Variants in METTL15 observed in about 807,000 individuals in gnomAD.
METTL15 encodes methyltransferase 15, mitochondrial 12S rRNA N4-cytidine.
A neutral mutation model predicts 38.3 loss-of-function variants in METTL15; 34 were observed. The observed-to-expected ratio is 0.89, with a 90% CI of 0.68 to 1.18. The LOEUF (loss-of-function observed/expected upper bound fraction) is 1.18. METTL15 is among the 50% of genes most tolerant of loss of function. The pLI is 0.00. For synonymous variants in METTL15, 162 were observed against 170.9 expected, an observed-to-expected ratio of 0.95 and a Z score of 0.41; for missense variants, 438 against 498.4, an observed-to-expected ratio of 0.88 and a Z score of 1.15.
At chr11:28,340,837 T>G (rs1849945406) in intron 3 of METTL15, among the ~76,000 whole-genome samples, 1 of 152,100 alleles carries the variant, frequency 6.6e-6, no homozygotes, top group Non-Finnish European at 1.5e-5. Flanking sequence ...ACCCAAAGGA[T>G]TATAAATCAT....
rs1430106001 is a variant in METTL15, at chr11:28,332,439, T to A, written c.*1598T>A. The A allele has an allele frequency of 6.6e-6, 1 of 152,056 alleles. No individual in the cohort carries two copies. Among genetic ancestry groups the A allele is most frequent in the Non-Finnish European group, 1.5e-5 (1 of 68,008 alleles). The allele number at this position is 152,056 out of a possible 1,614,324, so 9.4% of individuals were successfully genotyped here. A position where few individuals can be genotyped will look rare whatever the true frequency, so the allele number is the denominator to read the frequency against. ...ATTCAACAATCTTTCACCTATTTCATAAGTCATTTTTTCACCCTGTATAGT... is the reference window on the plus strand; with the variant it reads ...ATTCAACAATCTTTCACCTATTTCAAAAGTCATTTTTTCACCCTGTATAGT... On this transcript the variant is annotated 3_prime_UTR_variant, in exon 7 of 7. Coordinates refer to ENST00000407364, the MANE Select transcript of METTL15 (RefSeq NM_001113528.2).
intron 4 of METTL15, among the ~76,000 whole-genome samples, chr11:28,243,207 C>T (rs1854373158): frequency 6.6e-6 from 1 of 151,914 alleles, no homozygotes; most frequent in South Asian, 2.1e-4. Context: ...AACTTGTTGC[C>T]GTCATTGATG....
intron 5 of METTL15, among the ~76,000 whole-genome samples, chr11:28,395,677 G>T (rs1479810000): frequency 6.6e-6 from 1 of 152,100 alleles, no homozygotes; most frequent in Non-Finnish European, 1.5e-5. Context: ...ACAAAGAGGA[G>T]CTGGTACCAT....
intron 6 of METTL15, among the ~76,000 whole-genome samples, chr11:28,519,885 G>A (rs1210282554): frequency 1.3e-5 from 2 of 152,162 alleles, no homozygotes; most frequent in Non-Finnish European, 2.9e-5. Context: ...TTTAGTGGTA[G>A]GGGACAAACA....
chr11:28,164,616 C>T (rs1028616905), intron 3 of METTL15, among the ~76,000 whole-genome samples: 5 of 151,876 alleles, frequency 3.3e-5, no homozygotes, highest in African/African-American at 1.2e-4. Flanking sequence ...ATGTACAATA[C>T]GGAATGATTA....
intron 3 of METTL15, among the ~76,000 whole-genome samples, chr11:28,340,689 G>GTGGAGAAAT (rs1849943686): frequency 6.6e-6 from 1 of 152,194 alleles, no homozygotes; most frequent in African/African-American, 2.4e-5. Context: ...TGGAGAGGAT[G>GTGGAGAAAT]TGGAGAAATA....
chr11:28,338,075 CTT>C (rs112039826), downstream of METTL15, among the ~76,000 whole-genome samples: 4 of 142,456 alleles, frequency 2.8e-5, no homozygotes, highest in Admixed American at 7.0e-5. Context: ...ATCTTTGCTT[CTT>C]TTTTTTTTTT....
At chr11:28,411,185 C>G (rs1261185417) in intron 5 of METTL15, among the ~76,000 whole-genome samples, 1 of 151,860 alleles carries the variant, frequency 6.6e-6, no homozygotes. Flanking sequence ...AAGCAATATA[C>G]AGATTTAACA....
At chr11:28,298,615 A>G (rs1856817132) in intron 6 of METTL15, among the ~76,000 whole-genome samples, 1 of 152,142 alleles carries the variant, frequency 6.6e-6, no homozygotes, top group African/African-American at 2.4e-5. Flanking sequence ...GGTGTACAAT[A>G]GGAACAATTT....
chr11:28,268,690 C>T (rs566497921), intron 4 of METTL15, among the ~76,000 whole-genome samples: 1 of 152,128 alleles, frequency 6.6e-6, no homozygotes, highest in South Asian at 2.1e-4. Flanking sequence ...GAGAAATATC[C>T]TTTCTGAAAA....
At chr11:28,350,134 G>A (rs1231195157) in intron 3 of METTL15, among the ~76,000 whole-genome samples, 1 of 151,938 alleles carries the variant, frequency 6.6e-6, no homozygotes, top group African/African-American at 2.4e-5. Flanking sequence ...TATGCTATGT[G>A]CTCTAGGGCC....
At chr11:28,162,033 C>T (rs1057274608) in intron 3 of METTL15, among the ~76,000 whole-genome samples, 2 of 152,060 alleles carry the variant, frequency 1.3e-5, no homozygotes, top group Admixed American at 1.3e-4. Context: ...GGCACTGTTC[C>T]TCTTTTTGAC....
intron 5 of METTL15, among the ~76,000 whole-genome samples, chr11:28,380,929 A>G (rs139769079): frequency 6.6e-6 from 1 of 152,162 alleles, no homozygotes; most frequent in African/African-American, 2.4e-5. Flanking sequence ...TGTCATACAA[A>G]TTGGATTCCA....
chr11:28,517,338 T>C lies in METTL15; in HGVS notation c.*425-9140T>C, dbSNP rs972541095. The C allele has an allele frequency of 8.5e-5, 13 of 152,152 alleles. 1 individual carries two copies. The highest frequency in any genetic ancestry group is 2.9e-4 in the African/African-American group (12 of 41,426). 9.4% of individuals were successfully genotyped at this position (152,152 alleles called of 1,614,324 possible). ...AAGGTAGGTTTTTTAATTTATTTAT[T>C]TTTTAATCCATCTAGCTTTGGATGG... On this transcript the variant is annotated intron_variant and NMD_transcript_variant, in intron 6 of 7. Coordinates refer to the METTL15 transcript ENST00000532947.
At chr11:28,513,930 C>T (rs1367839889) in intron 6 of METTL15, among the ~76,000 whole-genome samples, 3 of 152,248 alleles carry the variant, frequency 2.0e-5, no homozygotes, top group African/African-American at 7.2e-5. Flanking sequence ...GAACATGTCA[C>T]AGTGCTGCAG....
intron 5 of METTL15, among the ~76,000 whole-genome samples, chr11:28,380,855 T>C (rs1850376020): frequency 6.6e-6 from 1 of 151,944 alleles, no homozygotes; most frequent in South Asian, 2.1e-4. Flanking sequence ...TTTTTTCATT[T>C]CAGCACTTTA....
At chr11:28,163,155 A>AG (rs1326183003) in intron 3 of METTL15, among the ~76,000 whole-genome samples, 1 of 46,728 alleles carries the variant, frequency 2.1e-5, no homozygotes, top group Non-Finnish European at 7.3e-5. Flanking sequence ...GTGAAAAGTG[A>AG]AAAAAGTGTG....
chr11:28,433,585 C>T (rs185012346), intron 6 of METTL15, among the ~76,000 whole-genome samples: 1 of 152,234 alleles, frequency 6.6e-6, no homozygotes, highest in Admixed American at 6.5e-5. Context: ...CACTGCCTGA[C>T]ATGTAATAAG....
chr11:28,227,505 G>C (rs1853529374), intron 4 of METTL15, among the ~76,000 whole-genome samples: 1 of 151,778 alleles, frequency 6.6e-6, no homozygotes, highest in Admixed American at 6.6e-5. Context: ...GCAAGAGAGA[G>C]AATTGAAGTG....
Sources: gnomAD v4.1 joint callset for allele counts (sites outside exome capture counted in the v4.1 genomes callset) on GRCh38, gnomAD v4.1.1 for gene constraint, MANE v1.5 for transcripts, NCBI Gene and HGNC (gene_info 2026-07-23, HGNC 2026-07-21) for gene names.